FRK: variants seen among roughly 807,000 people sequenced by gnomAD.
FRK encodes the protein tyrosine-protein kinase FRK.
In FRK, 51 loss-of-function variants were observed where a neutral mutation model predicts 56.4. That is an observed-to-expected ratio of 0.90 (90% CI 0.72 to 1.14). The LOEUF (loss-of-function observed/expected upper bound fraction) is 1.14. Ranked by LOEUF, FRK falls within the 50% of genes most tolerant of loss-of-function variation. FRK has a pLI of 0.00. For synonymous variants in FRK, 245 were observed against 217.9 expected (o/e 1.12, Z -1.10); for missense variants, 570 against 601.4 (o/e 0.95, Z 0.55).
chr6:115,998,209 C>A (rs1288863387), intron 2 of FRK, among the ~76,000 whole-genome samples: 1 of 152,198 alleles, frequency 6.6e-6, no homozygotes, highest in Non-Finnish European at 1.5e-5. Flanking sequence ...CAAACAGCAA[C>A]TAGTGATTCC....
At chr6:116,001,752 A>G (rs772675958) in intron 2 of FRK, among the ~76,000 whole-genome samples, 11 of 152,172 alleles carry the variant, frequency 7.2e-5, no homozygotes, top group Non-Finnish European at 1.2e-4. Context: ...TCTGGAATGC[A>G]TCTTTGTTTT....
At chr6:116,090,339 T>C in the FRK span, among the ~76,000 whole-genome samples, 1 of 152,156 alleles carries the variant, frequency 6.6e-6, no homozygotes, top group Non-Finnish European at 1.5e-5. Flanking sequence ...GGACAGTGAT[T>C]AGAATAGGAA....
At position 116,010,170 on chromosome 6, in the gene FRK, C is replaced by T. The variant is rs149365592; in HGVS notation, c.345-6172G>A. On this transcript the variant is annotated intron_variant, in intron 1 of 7. Transcript: ENST00000606080. ...CAAGGAGGCGGAGGTTGCAGTGAGCCGAGATCATGCCATCGCCTGGGCAAC... is the reference window on the plus strand; with the variant it reads ...CAAGGAGGCGGAGGTTGCAGTGAGCTGAGATCATGCCATCGCCTGGGCAAC... 2.4e-3 allele frequency among the ~76,000 whole-genome samples: 368 copies of T among 151,502 alleles called. 1 individual carries two copies. Among genetic ancestry groups the T allele is most frequent in the Non-Finnish European group, 4.3e-3 (295 of 67,890 alleles).
Position 116,024,415 on chromosome 6 carries a change from C to A in FRK, c.345-20417G>T, listed in dbSNP as rs571627217. On this transcript the variant is annotated intron_variant, in intron 1 of 7. Coordinates refer to ENST00000606080, the MANE Select transcript of FRK (RefSeq NM_002031.3). ...TATCTCCCAATGCTATCCCTCCCCC[C>A]TCCCCACACCCCACAACAGTCCCCA... Among the ~76,000 whole-genome samples the A allele has an allele frequency of 2.7e-5, 4 of 150,566 alleles. No homozygotes were observed. The South Asian group carries it at 8.5e-4, about 32-fold the overall frequency.
intron 5 of FRK, among the ~76,000 whole-genome samples, chr6:115,948,315 T>C (rs1240703733): frequency 6.6e-6 from 1 of 152,122 alleles, no homozygotes; most frequent in East Asian, 1.9e-4. Context: ...TAAAAGTGGA[T>C]CTACCTCCAT....
At chr6:116,059,578 T>A (rs1777539126) in intron 1 of FRK, among the ~76,000 whole-genome samples, 1 of 152,142 alleles carries the variant, frequency 6.6e-6, no homozygotes, top group Non-Finnish European at 1.5e-5. Flanking sequence ...AAAAAAAGAA[T>A]CTGAAGTTTA....
the FRK span, among the ~76,000 whole-genome samples, chr6:116,088,326 TA>T: frequency 4.3e-3 from 658 of 151,882 alleles, 6 homozygotes; most frequent in African/African-American, 0.015. Flanking sequence ...CAAATAGTAA[TA>T]AAAAAAACAG....
rs1373624878 is a variant in FRK, at chr6:115,931,208, T to C, written c.*11206A>G. The stretch of plus-strand genomic sequence containing the variant: ...ACAATCAACTTGACTTCTGAAACAG[T>C]TGACTTTTAAAAGTCAGGGTAAAAA... On this transcript the variant is annotated 3_prime_UTR_variant, in exon 8 of 8. Transcript: ENST00000606080. The C allele has an allele frequency of 1.3e-5, 2 of 152,242 alleles. No homozygotes were observed. Among genetic ancestry groups the C allele is most frequent in the East Asian group, 3.8e-4 (2 of 5,204 alleles). The allele number at this position is 152,242 out of a possible 1,614,324, so 9.4% of individuals were successfully genotyped here. A position where few individuals can be genotyped will look rare whatever the true frequency, so the allele number is the denominator to read the frequency against.
intron 2 of FRK, among the ~76,000 whole-genome samples, chr6:115,997,856 C>G (rs1369687940): frequency 6.6e-6 from 1 of 152,222 alleles, no homozygotes; most frequent in Non-Finnish European, 1.5e-5. Context: ...CCCATAGGGA[C>G]TGCATCTGAA....
chr6:115,990,537 C>T (rs1238892103), intron 2 of FRK, among the ~76,000 whole-genome samples: 2 of 151,732 alleles, frequency 1.3e-5, no homozygotes, highest in Admixed American at 6.6e-5. Context: ...GGTGTCCTTT[C>T]GTTATTGTTG....
At chr6:115,995,291 G>A (rs1000223504) in intron 2 of FRK, among the ~76,000 whole-genome samples, 1 of 152,068 alleles carries the variant, frequency 6.6e-6, no homozygotes, top group African/African-American at 2.4e-5. Context: ...AGTACAAAAT[G>A]TAAATAAAGG....
the FRK span, among the ~76,000 whole-genome samples, chr6:116,071,552 ATTTG>A: frequency 6.6e-6 from 1 of 152,166 alleles, no homozygotes; most frequent in African/African-American, 2.4e-5. Context: ...TGCAATCAGA[ATTTG>A]TTTGATGACA....
Position 115,942,637 on chromosome 6 carries a change from A to G in FRK, c.1307-12T>C, listed in dbSNP as rs1426516144. Reference sequence around the variant, plus strand: ...GGCACCTGTCATACCTTGAAAATACAGAACGAAACCAACAACAACAAAAAA... The same window carrying G: ...GGCACCTGTCATACCTTGAAAATACGGAACGAAACCAACAACAACAAAAAA... On this transcript the variant is annotated splice_polypyrimidine_tract_variant and intron_variant, in intron 7 of 7. Coordinates refer to ENST00000606080, the MANE Select transcript of FRK (RefSeq NM_002031.3). 2 of 1,603,914 alleles carry G rather than the reference A, an allele frequency of 1.2e-6. No homozygotes were observed. The highest frequency in any genetic ancestry group is 1.3e-5 in the African/African-American group (1 of 74,644).
chr6:116,072,177 A>G, the FRK span, among the ~76,000 whole-genome samples: 1 of 152,146 alleles, frequency 6.6e-6, no homozygotes, highest in Non-Finnish European at 1.5e-5. Flanking sequence ...TAAGAGGACT[A>G]TTGCACTCTA....
chr6:115,943,183 T>G lies in FRK; in HGVS notation c.1143A>C (p.Val381=). The G allele has an allele frequency of 1.2e-6, 2 of 1,605,040 alleles. No individual in the cohort carries two copies. Among genetic ancestry groups the G allele is most frequent in the South Asian group, 2.2e-5 (2 of 89,432 alleles). The part of the protein sequence containing the change: ...ADFGLARVFK[V]DNEDIYESRH... ...TAGATTCATAGATGTCTTCATTATC[T>G]ACCTGTTCATGTATTAAGGAATCAG... is the stretch of plus-strand genomic sequence containing the variant. Residue 381 remains valine, a splice_region_variant and synonymous_variant, in exon 7 of 8, where the codon GTA becomes GTC. Coordinates refer to ENST00000606080, the MANE Select transcript of FRK (RefSeq NM_002031.3).
At position 115,934,373 on chromosome 6, in the gene FRK, G is replaced by T. The variant is rs1228677091; in HGVS notation, c.*8041C>A. The T allele has an allele frequency of 1.3e-5, 2 of 152,154 alleles. No homozygotes were observed. The highest frequency in any genetic ancestry group is 6.5e-5 in the Admixed American group (1 of 15,280). The allele number at this position is 152,154 out of a possible 1,614,324, so 9.4% of individuals were successfully genotyped here. On this transcript the variant is annotated 3_prime_UTR_variant, in exon 8 of 8. Transcript: ENST00000606080. ...ATGGCTGGGCATAGGACCCAAGTTT[G>T]CTGGAACACAAAAATGAAAATAATT...
In FRK at chr6:116,060,392, G is replaced by A; in HGVS notation, c.-81C>T. ...CGATCCACCTTATCTTCCTTCACCA[G>A]GCAACTTTGAAGTCAGCACCAACTC... On this transcript the variant is annotated 5_prime_UTR_variant, in exon 1 of 8. Transcript: ENST00000606080. The A allele has an allele frequency of 8.5e-7, 1 of 1,174,736 alleles. No homozygotes were observed. The highest frequency in any genetic ancestry group is 1.2e-6 in the Non-Finnish European group (1 of 822,656). 72.8% of individuals were successfully genotyped at this position (1,174,736 alleles called of 1,614,324 possible).
chr6:116,064,496 G>A (rs1477873826), upstream of FRK, among the ~76,000 whole-genome samples: 3 of 152,190 alleles, frequency 2.0e-5, no homozygotes, highest in African/African-American at 4.8e-5. Context: ...GAAGCAGGAA[G>A]AAACAATTGG....
intron 1 of FRK, among the ~76,000 whole-genome samples, chr6:116,025,513 T>C (rs1420157629): frequency 6.6e-6 from 1 of 152,192 alleles, no homozygotes; most frequent in Admixed American, 6.6e-5. Context: ...TTCCTGCCAC[T>C]GATGGTGAAA....
Sources: allele counts gnomAD v4.1 joint callset (sites outside exome capture counted in the v4.1 genomes callset), GRCh38; gene constraint gnomAD v4.1.1; transcripts MANE v1.5; gene names NCBI Gene and HGNC (gene_info 2026-07-23, HGNC 2026-07-21).